WWOX: variants seen among roughly 807,000 people sequenced by gnomAD.
WWOX encodes the protein WW domain-containing oxidoreductase.
A neutral mutation model predicts 46.2 loss-of-function variants in WWOX; 69 were observed. That is an observed-to-expected ratio of 1.49 (90% CI 1.23 to 1.82). The LOEUF (loss-of-function observed/expected upper bound fraction) is 1.82. WWOX is among the 40% of genes most tolerant of loss of function. The probability of loss-of-function intolerance (pLI) is 0.00; values close to 1 mark genes in which losing one functional copy is unlikely to be tolerated. For synonymous variants in WWOX, 359 were observed against 202.6 expected, an observed-to-expected ratio of 1.77 and a Z score of -6.56; for missense variants, 919 against 542.6, an observed-to-expected ratio of 1.69 and a Z score of -6.89.
intron 8 of WWOX, among the ~76,000 whole-genome samples, chr16:78,511,280 C>A (rs1041280852): frequency 5.3e-5 from 8 of 152,220 alleles, no homozygotes; most frequent in Non-Finnish European, 8.8e-5. Context: ...TTTTCCCTTC[C>A]GTCAAGCCTT....
At chr16:79,127,030 T>C (rs2049772694) in intron 8 of WWOX, among the ~76,000 whole-genome samples, 1 of 152,180 alleles carries the variant, frequency 6.6e-6, no homozygotes, top group South Asian at 2.1e-4. Context: ...ATTTTATTTT[T>C]TTTTAAATTA....
At chr16:79,015,483 A>G (rs868447993) in intron 8 of WWOX, among the ~76,000 whole-genome samples, 31 of 152,302 alleles carry the variant, frequency 2.0e-4, no homozygotes, top group Middle Eastern at 3.4e-3. Context: ...TAGGTGCTCA[A>G]TAAACTATAA....
At chr16:78,391,704 C>T (rs1053059217) in intron 6 of WWOX, among the ~76,000 whole-genome samples, 10 of 152,168 alleles carry the variant, frequency 6.6e-5, no homozygotes, top group East Asian at 1.9e-4. Flanking sequence ...AAAAATTAGC[C>T]GGGCATGGTG....
chr16:78,117,109 C>T (rs1567580391), intron 4 of WWOX, among the ~76,000 whole-genome samples: 1 of 152,196 alleles, frequency 6.6e-6, no homozygotes, highest in Non-Finnish European at 1.5e-5. Flanking sequence ...ATGGCCCTCA[C>T]ATGTTGGAGT....
intron 5 of WWOX, among the ~76,000 whole-genome samples, chr16:78,186,837 A>G (rs369238348): frequency 1.3e-5 from 2 of 152,226 alleles, no homozygotes; most frequent in Non-Finnish European, 2.9e-5. Context: ...AGAATAGTCT[A>G]TAGTATTCTT....
intron 8 of WWOX, among the ~76,000 whole-genome samples, chr16:79,001,619 T>C (rs992108582): frequency 3.3e-5 from 5 of 151,890 alleles, no homozygotes; most frequent in Admixed American, 6.6e-5. Flanking sequence ...AAATCACTTA[T>C]GTAATAAACT....
intron 8 of WWOX, among the ~76,000 whole-genome samples, chr16:78,841,133 A>G (rs1356987624): frequency 6.6e-6 from 1 of 152,164 alleles, no homozygotes; most frequent in African/African-American, 2.4e-5. Context: ...TGACCCCAGA[A>G]TTCCCTGTGC....
At chr16:78,450,651 G>A (rs931931235) in intron 8 of WWOX, among the ~76,000 whole-genome samples, 1 of 152,136 alleles carries the variant, frequency 6.6e-6, no homozygotes, top group Non-Finnish European at 1.5e-5. Context: ...TTCTAGGCAG[G>A]TGAGTGCAAT....
intron 8 of WWOX, chr16:79,196,223 G>A (rs887030559): frequency 2.0e-5 from 3 of 152,200 alleles, no homozygotes; most frequent in African/African-American, 7.2e-5. Context: ...AATTACACAT[G>A]TACATTGTAT....
intron 6 of WWOX, among the ~76,000 whole-genome samples, chr16:78,401,025 G>C (rs2082400290): frequency 1.3e-5 from 2 of 152,114 alleles, no homozygotes; most frequent in African/African-American, 2.4e-5. Context: ...TCCTTGTGTT[G>C]TCCAGGCTGG....
At chr16:78,625,689 G>T (rs1351641880) in intron 8 of WWOX, among the ~76,000 whole-genome samples, 2 of 151,030 alleles carry the variant, frequency 1.3e-5, no homozygotes, top group African/African-American at 4.9e-5. Flanking sequence ...CTCGGTTGGT[G>T]CAAAAGTAAA....
intron 8 of WWOX, among the ~76,000 whole-genome samples, chr16:79,027,905 G>A (rs891248705): frequency 5.3e-5 from 8 of 151,724 alleles, no homozygotes; most frequent in African/African-American, 1.9e-4. Context: ...CAGTGTTTGA[G>A]TAGAATTAGG....
chr16:78,821,723 C>G (rs2151144645), intron 8 of WWOX, among the ~76,000 whole-genome samples: 1 of 152,286 alleles, frequency 6.6e-6, no homozygotes, highest in East Asian at 1.9e-4. Flanking sequence ...GCTTTAAACC[C>G]AAGTCTATTT....
At chr16:78,770,319 C>CCG in intron 8 of WWOX, among the ~76,000 whole-genome samples, 1 of 152,034 alleles carries the variant, frequency 6.6e-6, no homozygotes, top group African/African-American at 2.4e-5. Context: ...CCACTGTACT[C>CCG]CAGCCTGGGC....
intron 8 of WWOX, among the ~76,000 whole-genome samples, chr16:79,133,673 ACTGG>A (rs930444256): frequency 3.3e-5 from 5 of 152,202 alleles, no homozygotes; most frequent in Non-Finnish European, 7.3e-5. Context: ...GGTGGCCTGC[ACTGG>A]GGAGTTGTAT....
intron 8 of WWOX, among the ~76,000 whole-genome samples, chr16:78,791,510 C>T (rs896293172): frequency 6.6e-6 from 1 of 152,118 alleles, no homozygotes; most frequent in African/African-American, 2.4e-5. Context: ...TGGCCTTTCT[C>T]TTGTGTTCCC....
At chr16:78,241,191 T>G (rs1402601971) in intron 5 of WWOX, 1 of 152,200 alleles carries the variant, frequency 6.6e-6, no homozygotes, top group Non-Finnish European at 1.5e-5. Flanking sequence ...CCATGATACT[T>G]ACCCACCTGT....
At chr16:78,100,364 C>A (rs1036550049) in intron 1 of WWOX, among the ~76,000 whole-genome samples, 3 of 152,116 alleles carry the variant, frequency 2.0e-5, no homozygotes. Context: ...ACAATCCTCT[C>A]ATCTCAGCCT....
chr16:78,954,402 G>T (rs1473663491), intron 8 of WWOX, among the ~76,000 whole-genome samples: 1 of 152,180 alleles, frequency 6.6e-6, no homozygotes. Flanking sequence ...ATGAATGGAT[G>T]CATGGATGAA....
Sources: allele counts gnomAD v4.1 joint callset (sites outside exome capture counted in the v4.1 genomes callset), GRCh38; gene constraint gnomAD v4.1.1; transcripts MANE v1.5; gene names NCBI Gene and HGNC (gene_info 2026-07-23, HGNC 2026-07-21).